C19orf44: variants seen among roughly 807,000 people sequenced by gnomAD.
C19orf44 encodes the protein chromosome 19 open reading frame 44, also known as uncharacterized protein C19orf44.
Under a neutral mutation model 50.7 loss-of-function variants are expected in C19orf44, and 43 were observed. That is an observed-to-expected ratio of 0.85 (90% CI 0.66 to 1.09). The LOEUF (loss-of-function observed/expected upper bound fraction) is 1.09, where lower values mean the gene tolerates loss of function less well. C19orf44 is among the 50% of genes least tolerant of loss of function. The pLI is 0.00. For synonymous variants in C19orf44, 298 were observed against 334.7 expected, an observed-to-expected ratio of 0.89 and a Z score of 1.20; for missense variants, 722 against 836.2, an observed-to-expected ratio of 0.86 and a Z score of 1.68.
In C19orf44 at chr19:16,513,022, A is replaced by G. The variant is rs1599737665; in HGVS notation, c.1648A>G (p.Met550Val). Residue 550 changes from methionine (M) to valine (V), a missense_variant, in exon 6 of 9, where the codon ATG becomes GTG. Transcript: ENST00000221671. ...FTYEWTKVAS[M>V]AAMGPALGGA... ...CTTTGTCCCCGAGATAGTGGCCAGC[A>G]TGGCAGCCATGGGGCCTGCCCTGGG... The G allele has an allele frequency of 6.2e-7, 1 of 1,612,738 alleles. No homozygotes were observed. Among genetic ancestry groups the G allele is most frequent in the Non-Finnish European group, 8.5e-7 (1 of 1,179,936 alleles).
chr19:16,510,742 ACT>A (rs753059711), intron 5 of C19orf44, among the ~76,000 whole-genome samples: 1 of 150,896 alleles, frequency 6.6e-6, no homozygotes, highest in Non-Finnish European at 1.5e-5. Context: ...TCTCTCTCTC[ACT>A]CTGTTTTTAG....
rs752890741 is a variant in C19orf44, at chr19:16,520,375, G to T, written c.*322G>T. On this transcript the variant is annotated 3_prime_UTR_variant, in exon 9 of 9. Coordinates refer to ENST00000221671, the MANE Select transcript of C19orf44 (RefSeq NM_032207.4). This position sits in a 1 kb window ranked among gnomAD's most constrained non-coding sequence, Gnocchi z 4.0. ...CAGCCTCTGCCTACCTAGATCTGGAGCGGGAGTAGGAACGGGAGCAGGAGC... is the reference window on the plus strand; with the variant it reads ...CAGCCTCTGCCTACCTAGATCTGGATCGGGAGTAGGAACGGGAGCAGGAGC... The T allele has an allele frequency of 2.5e-6, 4 of 1,613,966 alleles. No homozygotes were observed. The highest frequency in any genetic ancestry group is 2.5e-6 in the Non-Finnish European group (3 of 1,179,984).
rs1322769195 is a variant in C19orf44 at position 16,519,579 on chromosome 19, C to T, written c.*41-515C>T. The T allele has an allele frequency of 8.5e-6, 13 of 1,535,976 alleles. No individual in the cohort carries two copies. Among genetic ancestry groups the T allele is most frequent in the East Asian group, 2.2e-5 (1 of 44,522 alleles). ...GCTGGTGACTCCCGGGCCCAGCACG[C>T]GTGAGGACCCATCCCGCGCCCTCCC... On this transcript the variant is annotated intron_variant, in intron 8 of 8. Coordinates refer to ENST00000221671, the MANE Select transcript of C19orf44 (RefSeq NM_032207.4). This position sits in a 1 kb window ranked among gnomAD's most constrained non-coding sequence, Gnocchi z 6.0.
intron 5 of C19orf44, among the ~76,000 whole-genome samples, chr19:16,512,122 G>A (rs984649427): frequency 6.6e-5 from 10 of 152,094 alleles, no homozygotes; most frequent in African/African-American, 2.4e-4. Context: ...CCAGGAGAGG[G>A]TGAGTGGTGT....
chr19:16,511,096 G>C (rs1034913954), intron 5 of C19orf44, among the ~76,000 whole-genome samples: 1 of 151,520 alleles, frequency 6.6e-6, no homozygotes, highest in Non-Finnish European at 1.5e-5. Flanking sequence ...GAGTGTAGTG[G>C]TGCGATCTTG....
At chr19:16,502,207 G>C (rs1394183092) in intron 2 of C19orf44, among the ~76,000 whole-genome samples, 1 of 150,184 alleles carries the variant, frequency 6.7e-6, no homozygotes, top group East Asian at 1.9e-4. Flanking sequence ...AGTGTGCGTG[G>C]CCTATTTGTG....
At chr19:16,514,168 T>G (rs924490731) in intron 6 of C19orf44, among the ~76,000 whole-genome samples, 1 of 151,054 alleles carries the variant, frequency 6.6e-6, no homozygotes, top group African/African-American at 2.4e-5. Context: ...TTTTTTTTGT[T>G]TTTTTAGTAG....
At chr19:16,499,607 C>T (rs760563407) in intron 1 of C19orf44, 4 of 152,036 alleles carry the variant, frequency 2.6e-5, no homozygotes, top group Non-Finnish European at 5.9e-5. Context: ...TCTTTGTAAT[C>T]TTCGGAAGCC....
chr19:16,517,985 A>ATT (rs1231382352), intron 8 of C19orf44: 2 of 152,268 alleles, frequency 1.3e-5, no homozygotes, highest in African/African-American at 4.8e-5. Flanking sequence ...TGAATCATAC[A>ATT]TTTTAACAAT....
chr19:16,512,427 G>T (rs1219851272), intron 5 of C19orf44, among the ~76,000 whole-genome samples: 1 of 152,126 alleles, frequency 6.6e-6, no homozygotes, highest in Non-Finnish European at 1.5e-5. Context: ...AAGAAGGGCT[G>T]GGAAAGCACA....
intron 4 of C19orf44, 52 bp downstream of exon 4, chr19:16,506,826 T>A: frequency 7.5e-7 from 1 of 1,332,320 alleles, no homozygotes; most frequent in Non-Finnish European, 1.0e-6. Context: ...GCTTCAACAT[T>A]TTTTTTTTTA....
Position 16,521,045 on chromosome 19 carries a change from C to A in C19orf44, c.*992C>A. 2.6e-6 allele frequency: 2 copies of A among 754,778 alleles called. No individual in the cohort carries two copies. The highest frequency in any genetic ancestry group is 2.0e-5 in the Admixed American group (1 of 49,112). 46.8% of individuals were successfully genotyped at this position (754,778 alleles called of 1,614,324 possible). On this transcript the variant is annotated 3_prime_UTR_variant, in exon 9 of 9. Transcript: ENST00000221671. The stretch of plus-strand genomic sequence containing the variant: ...TGTGGCTGTGGGCTCCGAGCATGGG[C>A]GCAGTAGAGCTTGGTTCAGTGTTCC...
At chr19:16,516,926 A>G (rs1024765518) in intron 7 of C19orf44, among the ~76,000 whole-genome samples, 1 of 152,214 alleles carries the variant, frequency 6.6e-6, no homozygotes, top group Non-Finnish European at 1.5e-5. Context: ...ACCTGGCTGC[A>G]GCCCACCATA....
rs1395767168 is a variant in C19orf44 at position 16,520,968 on chromosome 19, G to A, written c.*915G>A. The A allele has an allele frequency of 6.9e-6, 10 of 1,456,308 alleles. No individual in the cohort carries two copies. Among genetic ancestry groups the A allele is most frequent in the South Asian group, 4.5e-5 (4 of 87,956 alleles). 90.2% of individuals were successfully genotyped at this position (1,456,308 alleles called of 1,614,324 possible). On this transcript the variant is annotated 3_prime_UTR_variant, in exon 9 of 9. Coordinates refer to ENST00000221671, the MANE Select transcript of C19orf44 (RefSeq NM_032207.4). The surrounding 1 kb of genome is among the most constrained non-coding windows in gnomAD (Gnocchi z 4.0). The stretch of plus-strand genomic sequence containing the variant: ...CGTGACACCCACCCACAAGGAAGTC[G>A]TGAAAAAGTCATCAGGAGTTAATCC...
chr19:16,519,284 C>G lies in C19orf44; in HGVS notation c.*41-810C>G. 6.2e-7 allele frequency: 1 copy of G among 1,614,044 alleles called. No individual in the cohort carries two copies. Among genetic ancestry groups the G allele is most frequent in the Non-Finnish European group, 8.5e-7 (1 of 1,180,042 alleles). ...TTATACTGGTCCCACTTATCCCGGA[C>G]GTCCCCGCCCTTGATGGGGTCCTGG... On this transcript the variant is annotated intron_variant, in intron 8 of 8. Coordinates refer to ENST00000221671, the MANE Select transcript of C19orf44 (RefSeq NM_032207.4). The surrounding 1 kb of genome is among the most constrained non-coding windows in gnomAD (Gnocchi z 6.0).
At chr19:16,502,363 G>A (rs1015649184) in intron 2 of C19orf44, among the ~76,000 whole-genome samples, 4 of 149,546 alleles carry the variant, frequency 2.7e-5, no homozygotes, top group African/African-American at 7.4e-5. Context: ...TCAGCCTCCC[G>A]AGTAGCTGGG....
intron 2 of C19orf44, among the ~76,000 whole-genome samples, chr19:16,502,512 C>T (rs920282274): frequency 1.3e-5 from 2 of 152,254 alleles, no homozygotes; most frequent in African/African-American, 4.8e-5. Flanking sequence ...CCGGGATTTA[C>T]AGGCGTGAGC....
chr19:16,502,038 G>C (rs1325270191), intron 2 of C19orf44, among the ~76,000 whole-genome samples: 1 of 150,830 alleles, frequency 6.6e-6, no homozygotes, highest in African/African-American at 2.4e-5. Context: ...GCCTTCCTGA[G>C]TATCTGGGAT....
At chr19:16,498,448 T>G (rs1294218546) in intron 1 of C19orf44, among the ~76,000 whole-genome samples, 1 of 152,000 alleles carries the variant, frequency 6.6e-6, no homozygotes, top group Non-Finnish European at 1.5e-5. Context: ...CAGACCCAGC[T>G]AATTTTTTCA....
Sources: gnomAD v4.1 joint callset for allele counts (sites outside exome capture counted in the v4.1 genomes callset) on GRCh38, gnomAD v4.1.1 for gene constraint, Gnocchi (gnomAD v3.1) non-coding constraint, MANE v1.5 for transcripts, NCBI Gene and HGNC (gene_info 2026-07-23, HGNC 2026-07-21) for gene names.